Variants in APLP1 observed in about 807,000 individuals in gnomAD.
The protein encoded by APLP1 is amyloid beta (A4) precursor-like protein 1.
In APLP1, 46 loss-of-function variants were observed where a neutral mutation model predicts 84.5. The ratio of observed to expected loss-of-function variants is 0.54; its 90% CI spans 0.43 to 0.70. APLP1 has a LOEUF of 0.70. Among genes scored for constraint, APLP1 ranks in the 30% least tolerant of loss-of-function variants. The pLI is 0.00. For missense variants in APLP1, 826 were observed against 900.2 expected, an observed-to-expected ratio of 0.92 and a Z score of 1.05; for synonymous variants, 376 against 364.0, an observed-to-expected ratio of 1.03 and a Z score of -0.38.
intron 12 of APLP1, 118 bp downstream of exon 12, chr19:35,877,943 AGGAACGTCTAAGGTTGCAG>A: frequency 6.2e-6 from 8 of 1,283,978 alleles, no homozygotes; most frequent in Non-Finnish European, 6.6e-6. Flanking sequence ...GAGGATGAGG[AGGAACGTCTAAGGTTGCAG>A]GGGCCTCTGT....
chr19:35,873,589 AG>A, intron 7 of APLP1, 49 bp from the exon 8 acceptor site: 6 of 1,590,266 alleles, frequency 3.8e-6, no homozygotes, highest in Non-Finnish European at 5.2e-6. Flanking sequence ...GGGACTTGCC[AG>A]GTGGATCAGG....
rs372549150 is a variant in APLP1, at chr19:35,870,784, C to CAAAG, written c.292-98_292-95dup. ...GGGCGACAAGAGCAAATCTCCGTCT[C>CAAAG]AAAGAAAGAAAGAAAGAGGGAGAAA... On this transcript the variant is annotated intron_variant, in intron 2 of 16. Transcript: ENST00000221891. The CAAAG allele has an allele frequency of 1.5e-4, 214 of 1,414,538 alleles. No homozygotes were observed. In the East Asian group the frequency reaches 4.8e-3, roughly 32 times the overall value. 87.6% of individuals were successfully genotyped at this position (1,414,538 alleles called of 1,614,324 possible). A position where few individuals can be genotyped will look rare whatever the true frequency, so the allele number is the denominator to read the frequency against.
chr19:35,877,963 G>T, intron 12 of APLP1, 119 bp from the exon 13 acceptor site: 1 of 1,331,950 alleles, frequency 7.5e-7, no homozygotes. Flanking sequence ...AAGGTTGCAG[G>T]GGCCTCTGTA....
rs1974238924 is a variant in APLP1, at chr19:35,874,712, G to A, written c.1216-29G>A. 6.2e-6 allele frequency: 10 copies of A among 1,612,188 alleles called. No individual in the cohort carries two copies. The highest frequency in any genetic ancestry group is 2.2e-5 in the East Asian group (1 of 44,822). On this transcript the variant is annotated intron_variant, in intron 9 of 16. Coordinates refer to ENST00000221891, the MANE Select transcript of APLP1 (RefSeq NM_001024807.3). The surrounding 1 kb of genome is among the most constrained non-coding windows in gnomAD (Gnocchi z 6.4). ...GCAGAGGGTGAGAAGGGTCAGGGCG[G>A]GCTTGGGCATCCTGTGTCCCTTCCA... is the stretch of plus-strand genomic sequence containing the variant.
chr19:35,878,999 A>G (rs1308039377), intron 15 of APLP1, 47 bp downstream of exon 15: 7 of 1,613,686 alleles, frequency 4.3e-6, no homozygotes, highest in Admixed American at 1.7e-5. Flanking sequence ...ACCAGAGGTC[A>G]GCGGCCAGGC....
chr19:35,874,817 A>G lies in APLP1; in HGVS notation c.1292A>G (p.Tyr431Cys), dbSNP rs767721682. Residue 431 changes from tyrosine to cysteine, a missense_variant, in exon 10 of 17, where the codon TAC becomes TGC. This residue lies in a region of APLP1 where 433 missense variants were observed against 496.5 expected (regional missense o/e 0.87). Coordinates refer to ENST00000221891, the MANE Select transcript of APLP1 (RefSeq NM_001024807.3). This position sits in a 1 kb window ranked among gnomAD's most constrained non-coding sequence, Gnocchi z 6.4. ...QKEQRHTLRH[Y>C]QHVAAVDPEK... ...GAACAGAGGCACACGCTGCGCCACTACCAGCATGTGGCCGCCGTGGATCCC... is the reference window on the plus strand; with the variant it reads ...GAACAGAGGCACACGCTGCGCCACTGCCAGCATGTGGCCGCCGTGGATCCC... The G allele has an allele frequency of 1.2e-6, 2 of 1,612,538 alleles. No individual in the cohort carries two copies. Among genetic ancestry groups the G allele is most frequent in the African/African-American group, 2.7e-5 (2 of 75,040 alleles).
In APLP1 at chr19:35,870,882, T is replaced by G. The variant is rs1379931868; in HGVS notation, c.292-14T>G. The stretch of plus-strand genomic sequence containing the variant: ...CGGGGCAGTGGGCTGATTGCCCCCA[T>G]CTGATCCCCCCAGATGTACCCGGAG... On this transcript the variant is annotated splice_polypyrimidine_tract_variant and intron_variant, in intron 2 of 16. Coordinates refer to ENST00000221891, the MANE Select transcript of APLP1 (RefSeq NM_001024807.3). The G allele has an allele frequency of 6.2e-7, 1 of 1,601,720 alleles. No homozygotes were observed. The highest frequency in any genetic ancestry group is 8.5e-7 in the Non-Finnish European group (1 of 1,175,232).
chr19:35,870,753 C>T, intron 2 of APLP1, 143 bp from the exon 3 acceptor site: 1 of 1,223,262 alleles, frequency 8.2e-7, no homozygotes, highest in Admixed American at 2.8e-5. Context: ...CATTCCACTC[C>T]AGCCTGGGCG....
rs376121334 is a variant in APLP1, at chr19:35,870,972, C to T, written c.368C>T (p.Ser123Phe). 9 of 1,577,092 alleles carry T rather than the reference C, an allele frequency of 5.7e-6. No homozygotes were observed. The African/African-American group carries it at 8.1e-5, about 14-fold the overall frequency. The change falls in exon 3 of 17, where the codon TCC (serine) becomes TTC (phenylalanine). Residue 123 changes from serine (S) to phenylalanine (F), a missense_variant. Coordinates refer to ENST00000221891, the MANE Select transcript of APLP1 (RefSeq NM_001024807.3). Reference protein sequence around the residue: ...AIPMERWCGGSRSGSCAHPHH... With the variant: ...AIPMERWCGGFRSGSCAHPHH... ...CCCATGGAGCGCTGGTGCGGGGGTT[C>T]CCGGAGCGGCAGCTGCGCCCACCCC...
At chr19:35,876,922 C>T (rs1974295519) in intron 11 of APLP1, among the ~76,000 whole-genome samples, 1 of 152,182 alleles carries the variant, frequency 6.6e-6, no homozygotes. Context: ...CAAGGCCTCT[C>T]TTCTCCGTGG....
chr19:35,873,245 C>CTTT (rs74172771), intron 7 of APLP1, among the ~76,000 whole-genome samples: 5 of 125,808 alleles, frequency 4.0e-5, no homozygotes, highest in South Asian at 2.7e-4. Flanking sequence ...GCCTTTAAAT[C>CTTT]TTTTTTTTTT....
intron 11 of APLP1, among the ~76,000 whole-genome samples, chr19:35,877,475 T>G (rs1974308684): frequency 6.9e-6 from 1 of 143,918 alleles, no homozygotes; most frequent in Admixed American, 7.1e-5. Context: ...GCAACAAGAG[T>G]GAGACTCTGT....
intron 2 of APLP1, chr19:35,870,143 T>G: frequency 6.2e-6 from 2 of 320,014 alleles, no homozygotes; most frequent in South Asian, 1.2e-4. Flanking sequence ...TGGAGCCCAA[T>G]GAGAGCGCGG....
At position 35,872,467 on chromosome 19, in the gene APLP1, A is replaced by T; in HGVS notation, c.851-16A>T. On this transcript the variant is annotated splice_polypyrimidine_tract_variant and intron_variant, in intron 6 of 16. Transcript: ENST00000221891. Reference sequence around the variant, plus strand: ...AGGTGGGCTGCAGACTGACCTCCTGATCCCTGGTCTTGCAGTCACTCCCAC... The same window carrying T: ...AGGTGGGCTGCAGACTGACCTCCTGTTCCCTGGTCTTGCAGTCACTCCCAC... 6.2e-7 allele frequency: 1 copy of T among 1,609,346 alleles called. No homozygotes were observed. Among genetic ancestry groups the T allele is most frequent in the South Asian group, 1.1e-5 (1 of 90,606 alleles).
intron 2 of APLP1, chr19:35,870,073 A>G: frequency 3.9e-6 from 2 of 509,812 alleles, no homozygotes; most frequent in Non-Finnish European, 6.9e-6. Context: ...GGAGTGGCGA[A>G]AGGATAGGCG....
rs755856953 is a variant in APLP1, at chr19:35,876,555, T to C, written c.1383T>C (p.Asn461=). The change falls in exon 11 of 17, where the codon AAT becomes AAC. Residue 461 remains asparagine (N), a synonymous_variant. Transcript: ENST00000221891. ...THLQVIEERV[N]QSLGLLDQNP... ...TTCAAGTGATTGAGGAGAGGGTGAA[T>C]CAGAGCCTGGGCCTGCTTGACCAGA... The C allele has an allele frequency of 1.9e-6, 3 of 1,613,752 alleles. No individual in the cohort carries two copies. The East Asian group carries it at 6.7e-5, about 36-fold the overall frequency.
Position 35,868,905 on chromosome 19 carries a change from G to GC in APLP1, c.147+127dup, listed in dbSNP as rs991452427. The GC allele has an allele frequency of 1.5e-5, 13 of 865,194 alleles. No homozygotes were observed. In the African/African-American group the frequency reaches 2.1e-4, roughly 14 times the overall value. The allele number at this position is 865,194 out of a possible 1,614,324, so 53.6% of individuals were successfully genotyped here. On this transcript the variant is annotated intron_variant, in intron 1 of 16. Coordinates refer to ENST00000221891, the MANE Select transcript of APLP1 (RefSeq NM_001024807.3). This position sits in a 1 kb window ranked among gnomAD's most constrained non-coding sequence, Gnocchi z 5.2. ...CCAGCCAGGTGGTCAGCCCCCAGGCGCCCCCAATCACATTTATGAACCCAG... is the reference window on the plus strand; with the variant it reads ...CCAGCCAGGTGGTCAGCCCCCAGGCGCCCCCCAATCACATTTATGAACCCAG...
intron 5 of APLP1, 45 bp from the exon 6 acceptor site, chr19:35,871,813 C>T (rs1974154849): frequency 1.2e-6 from 2 of 1,612,918 alleles, no homozygotes; most frequent in Non-Finnish European, 1.7e-6. Flanking sequence ...GCCTGGGAGC[C>T]CAGGCCTGGG....
intron 13 of APLP1, among the ~76,000 whole-genome samples, 163 bp downstream of exon 13, chr19:35,878,271 G>A (rs1010738688): frequency 2.0e-5 from 3 of 152,122 alleles, no homozygotes; most frequent in Non-Finnish European, 2.9e-5. Context: ...AGGGCCAGGC[G>A]CTGGTGACTC....
Sources: allele counts gnomAD v4.1 joint callset (sites outside exome capture counted in the v4.1 genomes callset), GRCh38; gene constraint gnomAD v4.1.1; regional missense constraint gnomAD v4.1.1; non-coding constraint Gnocchi (gnomAD v3.1); transcripts MANE v1.5; gene names NCBI Gene and HGNC (gene_info 2026-07-23, HGNC 2026-07-21).